The following DIP2B variants were observed in gnomAD, a reference collection of about 807,000 sequenced individuals.
DIP2B encodes the protein disco-interacting protein 2 homolog B.
DIP2B carries 76 observed loss-of-function variants against 198.0 expected under a neutral mutation model. That is an observed-to-expected ratio of 0.38 (90% CI 0.32 to 0.46). DIP2B has a LOEUF of 0.46. Ranked by LOEUF, DIP2B falls within the 20% of genes least tolerant of loss-of-function variation. The pLI, the probability that DIP2B is intolerant of heterozygous loss-of-function variation, is 0.99. For synonymous variants in DIP2B, 701 were observed against 739.1 expected (o/e 0.95, Z 0.84); for missense variants, 1,559 against 1,978.4 (o/e 0.79, Z 4.02).
intron 4 of DIP2B, among the ~76,000 whole-genome samples, chr12:50,668,730 T>C (rs1017527948): frequency 2.2e-4 from 34 of 152,214 alleles, no homozygotes; most frequent in African/African-American, 7.2e-4. Flanking sequence ...TGAGATAACT[T>C]ACCTTGAAAA....
chr12:50,548,483 A>G (rs949344896), intron 1 of DIP2B, among the ~76,000 whole-genome samples: 1 of 152,186 alleles, frequency 6.6e-6, no homozygotes, highest in Admixed American at 6.5e-5. Context: ...TACAGAATGC[A>G]TGGTATTGGC....
At chr12:50,612,919 C>T (rs1227090256) in intron 1 of DIP2B, among the ~76,000 whole-genome samples, 8 of 152,194 alleles carry the variant, frequency 5.3e-5, no homozygotes, top group Admixed American at 4.6e-4. Context: ...TCATCTTTCT[C>T]CCAGGCACTA....
intron 28 of DIP2B, among the ~76,000 whole-genome samples, chr12:50,725,178 G>T (rs920795378): frequency 6.6e-6 from 1 of 152,104 alleles, no homozygotes; most frequent in Non-Finnish European, 1.5e-5. Context: ...TACATGTAGG[G>T]CCAAGTAAAA....
At chr12:50,528,036 A>G (rs1463954782) in intron 1 of DIP2B, among the ~76,000 whole-genome samples, 1 of 151,162 alleles carries the variant, frequency 6.6e-6, no homozygotes, top group African/African-American at 2.4e-5. Context: ...CAGGTGATCC[A>G]TCTGCCTTAG....
intron 2 of DIP2B, among the ~76,000 whole-genome samples, chr12:50,640,228 G>A (rs895871375): frequency 6.6e-6 from 1 of 152,138 alleles, no homozygotes; most frequent in Non-Finnish European, 1.5e-5. Flanking sequence ...TACATTTTGG[G>A]AGGGGAGAGT....
chr12:50,730,344 C>T (rs942198446), intron 30 of DIP2B, among the ~76,000 whole-genome samples: 6 of 151,258 alleles, frequency 4.0e-5, no homozygotes, highest in African/African-American at 1.2e-4. Context: ...TTTTCTTTCT[C>T]TCTCTTTCTT....
chr12:50,629,099 A>G (rs1219404703), intron 2 of DIP2B, among the ~76,000 whole-genome samples: 2 of 151,904 alleles, frequency 1.3e-5, no homozygotes, highest in Non-Finnish European at 2.9e-5. Flanking sequence ...CCAAGCTGGT[A>G]TTGAACTACT....
chr12:50,692,395 A>G (rs1031404701), intron 13 of DIP2B, among the ~76,000 whole-genome samples: 3 of 152,042 alleles, frequency 2.0e-5, no homozygotes, highest in African/African-American at 4.8e-5. Flanking sequence ...CATATTTAGG[A>G]AAAAAATACC....
In DIP2B at chr12:50,744,245, G is replaced by A. The variant is rs55971348; in HGVS notation, c.4479-342G>A. Among the ~76,000 whole-genome samples the A allele has an allele frequency of 3.3e-3, 507 of 152,152 alleles. 1 individual carries two copies. Among genetic ancestry groups the A allele is most frequent in the Non-Finnish European group, 5.8e-3 (394 of 67,990 alleles). On this transcript the variant is annotated intron_variant, in intron 37 of 37. Coordinates refer to ENST00000301180, the MANE Select transcript of DIP2B (RefSeq NM_173602.3). ...TCGAACTCCTGACCTCAGGTGATCC[G>A]CCCATGTCGGCCTCCCAAAGTGCTG... is the stretch of plus-strand genomic sequence containing the variant.
Position 50,695,291 on chromosome 12 carries a change from A to G in DIP2B, c.1744A>G (p.Ile582Val). The G allele has an allele frequency of 6.2e-7, 1 of 1,613,932 alleles. No individual in the cohort carries two copies. Among genetic ancestry groups the G allele is most frequent in the Middle Eastern group, 1.7e-4 (1 of 6,060 alleles). ...FANVMNKMHT[I>V]SVPYSVMKTC... ...GAATGTAATGAATAAGATGCACACAATCAGCGTACCCTACTCTGTTATGAA... is the reference window on the plus strand; with the variant it reads ...GAATGTAATGAATAAGATGCACACAGTCAGCGTACCCTACTCTGTTATGAA... Residue 582 changes from isoleucine to valine, a missense_variant, in exon 15 of 38, where the codon ATC becomes GTC. Coordinates refer to ENST00000301180, the MANE Select transcript of DIP2B (RefSeq NM_173602.3).
intron 1 of DIP2B, among the ~76,000 whole-genome samples, chr12:50,580,220 C>G (rs1295038028): frequency 6.7e-6 from 1 of 148,700 alleles, no homozygotes; most frequent in Non-Finnish European, 1.5e-5. Flanking sequence ...AAAGGGCCCT[C>G]CAGAGGTCTC....
chr12:50,659,045 C>G (rs1565861466), intron 3 of DIP2B, among the ~76,000 whole-genome samples: 1 of 152,098 alleles, frequency 6.6e-6, no homozygotes, highest in Non-Finnish European at 1.5e-5. Flanking sequence ...TGAGATTGCG[C>G]CACTGCACTC....
chr12:50,709,835 A>G (rs1300603682), intron 22 of DIP2B, among the ~76,000 whole-genome samples: 2 of 151,994 alleles, frequency 1.3e-5, no homozygotes, highest in Non-Finnish European at 2.9e-5. Context: ...ATAATGAGCC[A>G]GGTGCTGTGA....
At position 50,642,563 on chromosome 12, in the gene DIP2B, A is replaced by G. The variant is rs369129100; in HGVS notation, c.301+1711A>G. Among the ~76,000 whole-genome samples the G allele has an allele frequency of 6.3e-4, 96 of 152,332 alleles. 2 individuals carry two copies. The East Asian group carries it at 8.5e-3, about 13-fold the overall frequency. On this transcript the variant is annotated intron_variant, in intron 3 of 37. Coordinates refer to ENST00000301180, the MANE Select transcript of DIP2B (RefSeq NM_173602.3). The stretch of plus-strand genomic sequence containing the variant: ...CACTTTGGGAGGCCAAGGTAGGTGG[A>G]TCACTTGAGGTCAGGAGTTCGAGAC...
intron 19 of DIP2B, among the ~76,000 whole-genome samples, chr12:50,701,670 C>A (rs1939419777): frequency 6.6e-6 from 1 of 151,982 alleles, no homozygotes; most frequent in African/African-American, 2.4e-5. Flanking sequence ...AGGCATGAGC[C>A]ACCACACCAG....
chr12:50,506,572 C>T (rs187377912), intron 1 of DIP2B, among the ~76,000 whole-genome samples: 156 of 150,696 alleles, frequency 1.0e-3, no homozygotes, highest in Middle Eastern at 3.4e-3. Context: ...TGTTATTTTT[C>T]AATTAATCCA....
At chr12:50,542,264 A>G (rs949530982) in intron 1 of DIP2B, among the ~76,000 whole-genome samples, 16 of 151,414 alleles carry the variant, frequency 1.1e-4, no homozygotes, top group Admixed American at 2.0e-4. Context: ...AAAAAAAAAA[A>G]AGAAAAAAAA....
chr12:50,555,757 C>T lies in DIP2B; in HGVS notation c.100+50517C>T, dbSNP rs532019964. 7.2e-5 allele frequency among the ~76,000 whole-genome samples: 11 copies of T among 152,058 alleles called. No individual in the cohort carries two copies. In the East Asian group the frequency reaches 1.7e-3, roughly 24 times the overall value. On this transcript the variant is annotated intron_variant, in intron 1 of 37. Coordinates refer to ENST00000301180, the MANE Select transcript of DIP2B (RefSeq NM_173602.3). ...TTCCTTTCACCCCATGCTTGTTTGG[C>T]GCCTCATGTCCTCCTCTTACTTCTA...
At chr12:50,628,133 G>T (rs548577833) in intron 2 of DIP2B, among the ~76,000 whole-genome samples, 5 of 152,330 alleles carry the variant, frequency 3.3e-5, no homozygotes, top group African/African-American at 9.6e-5. Flanking sequence ...TACTTTGGGA[G>T]GCCGAGGCGG....
Sources: allele counts gnomAD v4.1 joint callset (sites outside exome capture counted in the v4.1 genomes callset), GRCh38; gene constraint gnomAD v4.1.1; transcripts MANE v1.5; gene names NCBI Gene and HGNC (gene_info 2026-07-23, HGNC 2026-07-21).